Variants in SGSM1 observed in about 807,000 individuals in gnomAD.
SGSM1 encodes the protein small G protein signaling modulator 1, also known as RUN and TBC1 domain containing 2.
Under a neutral mutation model 133.8 loss-of-function variants are expected in SGSM1, and 73 were observed. That is an observed-to-expected ratio of 0.55 (90% CI 0.45 to 0.66). The LOEUF is 0.66. Among genes scored for constraint, SGSM1 ranks in the 30% least tolerant of loss-of-function variants. SGSM1 has a pLI of 0.00. For missense variants in SGSM1, 1,213 were observed against 1,448.1 expected, an observed-to-expected ratio of 0.84 and a Z score of 2.64; for synonymous variants, 563 against 573.0, an observed-to-expected ratio of 0.98 and a Z score of 0.25.
chr22:24,868,306 G>T (rs752863107), intron 10 of SGSM1, 70 bp from the exon 11 acceptor site: 11 of 1,544,008 alleles, frequency 7.1e-6, no homozygotes, highest in Non-Finnish European at 9.6e-6. Flanking sequence ...GGATGTGCTT[G>T]CAGGAAGGGG....
At chr22:24,886,245 A>G (rs531779049) in intron 15 of SGSM1, among the ~76,000 whole-genome samples, 3 of 152,194 alleles carry the variant, frequency 2.0e-5, no homozygotes, top group Non-Finnish European at 4.4e-5. Context: ...TACTAAAAAT[A>G]CAAAAATTAG....
chr22:24,843,212 T>C (rs1399118624), intron 2 of SGSM1, among the ~76,000 whole-genome samples: 4 of 151,488 alleles, frequency 2.6e-5, no homozygotes, highest in African/African-American at 4.9e-5. Flanking sequence ...ATGCCCAGCT[T>C]GGAGTTGGTG....
intron 2 of SGSM1, among the ~76,000 whole-genome samples, chr22:24,840,873 C>T (rs550797562): frequency 1.8e-4 from 28 of 152,088 alleles, no homozygotes; most frequent in South Asian, 8.3e-4. Flanking sequence ...TTTTTTAAGA[C>T]GGAGTCTCGC....
chr22:24,832,160 G>A (rs1929156709), intron 2 of SGSM1, among the ~76,000 whole-genome samples: 1 of 152,224 alleles, frequency 6.6e-6, no homozygotes, highest in Admixed American at 6.5e-5. Flanking sequence ...GTCAGTGTGT[G>A]GTGGGAAGAG....
At chr22:24,913,310 A>AAG (rs1569177565) in intron 22 of SGSM1, among the ~76,000 whole-genome samples, 1 of 146,536 alleles carries the variant, frequency 6.8e-6, no homozygotes, top group Non-Finnish European at 1.5e-5. Flanking sequence ...AAAAAAAAAA[A>AAG]GAAAGAAAAA....
chr22:24,878,107 C>T (rs77097109), intron 13 of SGSM1, among the ~76,000 whole-genome samples: 2,432 of 152,102 alleles, frequency 0.016, 64 homozygotes, highest in African/African-American at 0.056. Flanking sequence ...CACCGCGCCC[C>T]GCCTGGAGAT....
At chr22:24,889,033 C>A (rs1601958540) in intron 16 of SGSM1, among the ~76,000 whole-genome samples, 1 of 138,542 alleles carries the variant, frequency 7.2e-6, no homozygotes, top group Non-Finnish European at 1.5e-5. Flanking sequence ...GCAATCTCGG[C>A]TTACTACAAC....
At chr22:24,857,655 G>C (rs79310197) in intron 8 of SGSM1, among the ~76,000 whole-genome samples, 2 of 152,038 alleles carry the variant, frequency 1.3e-5, no homozygotes, top group Admixed American at 1.3e-4. Flanking sequence ...TCCATCTTCC[G>C]TATCACTTTT....
In SGSM1 at chr22:24,924,279, C is replaced by T. The variant is rs750306604; in HGVS notation, c.*5C>T. 14 of 1,613,114 alleles carry T rather than the reference C, an allele frequency of 8.7e-6. No individual in the cohort carries two copies. In the East Asian group the frequency reaches 3.1e-4, roughly 36 times the overall value. ...ACTCTGATTGAGAACAAGTGAGGGG[C>T]ACCTCACCCCGGCAGCCTCAGCCAA... On this transcript the variant is annotated 3_prime_UTR_variant, in exon 25 of 25. Coordinates refer to ENST00000400358, the MANE Select transcript of SGSM1 (RefSeq NM_001098497.3).
intron 19 of SGSM1, among the ~76,000 whole-genome samples, chr22:24,901,381 A>T (rs113011016): frequency 4.7e-4 from 71 of 152,108 alleles, no homozygotes; most frequent in African/African-American, 1.5e-3. Context: ...AAATTTTCCC[A>T]CTTTGGCAGC....
At chr22:24,816,417 C>CTTTTTTTTTTTTTTTTTTTATTTTT in intron 2 of SGSM1, among the ~76,000 whole-genome samples, 1 of 130,102 alleles carries the variant, frequency 7.7e-6, no homozygotes, top group Non-Finnish European at 1.6e-5. Context: ...TTTTTTCTTT[C>CTTTTTTTTTTTTTTTTTTTATTTTT]TTTTTTTTTT....
At chr22:24,833,583 G>A (rs1476223689) in intron 2 of SGSM1, among the ~76,000 whole-genome samples, 2 of 151,962 alleles carry the variant, frequency 1.3e-5, no homozygotes, top group Non-Finnish European at 2.9e-5. Context: ...AGTTGAACCC[G>A]GGAGGTGGAG....
intron 2 of SGSM1, among the ~76,000 whole-genome samples, chr22:24,825,153 G>A (rs922404480): frequency 2.0e-4 from 30 of 152,156 alleles, no homozygotes; most frequent in Admixed American, 3.9e-4. Context: ...TGGAGCATTC[G>A]GAGAGGGGCA....
chr22:24,854,050 A>G (rs917248912), intron 5 of SGSM1, among the ~76,000 whole-genome samples: 2 of 152,210 alleles, frequency 1.3e-5, no homozygotes, highest in Middle Eastern at 6.8e-3. Context: ...ACCAGCCCCC[A>G]TGATTCAATT....
Position 24,898,412 on chromosome 22 carries a change from G to C in SGSM1, c.2463G>C (p.Glu821Asp), listed in dbSNP as rs1205654139. The C allele has an allele frequency of 6.2e-7, 1 of 1,613,924 alleles. No individual in the cohort carries two copies. The highest frequency in any genetic ancestry group is 1.7e-5 in the Admixed American group (1 of 60,018). Residue 821 changes from glutamate to aspartate, a missense_variant, in exon 19 of 25, where the codon GAG (glutamate) becomes GAC (aspartate). Glu to Asp is a conservative substitution (Grantham distance 45). Coordinates refer to ENST00000400358, the MANE Select transcript of SGSM1 (RefSeq NM_001098497.3). Reference sequence around the variant, plus strand: ...TGATGGAGGGCTGGAGGAGCAGCGAGACAGAGAAACATGGCCAGGCGGACA... The same window carrying C: ...TGATGGAGGGCTGGAGGAGCAGCGACACAGAGAAACATGGCCAGGCGGACA... ...DVVMEGWRSS[E>D]TEKHGQADSE...
intron 10 of SGSM1, among the ~76,000 whole-genome samples, chr22:24,868,152 G>C (rs1349868986): frequency 1.3e-5 from 2 of 152,118 alleles, no homozygotes; most frequent in Non-Finnish European, 2.9e-5. Context: ...GGTTCTTCTT[G>C]ACTTTGTCCT....
chr22:24,821,599 G>A (rs898958193), intron 2 of SGSM1, among the ~76,000 whole-genome samples: 8 of 152,192 alleles, frequency 5.3e-5, no homozygotes, highest in Admixed American at 5.2e-4. Flanking sequence ...AAAGTCCATT[G>A]CAAGTCATGG....
intron 16 of SGSM1, among the ~76,000 whole-genome samples, chr22:24,893,080 G>A (rs1932842083): frequency 6.9e-6 from 1 of 145,860 alleles, no homozygotes; most frequent in Non-Finnish European, 1.5e-5. Context: ...GGAAGGAAGC[G>A]GAGGGGGGGG....
intron 12 of SGSM1, among the ~76,000 whole-genome samples, chr22:24,875,296 G>A (rs1020485254): frequency 6.6e-6 from 1 of 152,306 alleles, no homozygotes; most frequent in East Asian, 1.9e-4. Flanking sequence ...ATCCAAAAAA[G>A]CCAAAAGGAG....
Sources: gnomAD v4.1 joint callset for allele counts (sites outside exome capture counted in the v4.1 genomes callset) on GRCh38, gnomAD v4.1.1 for gene constraint, MANE v1.5 for transcripts, NCBI Gene and HGNC (gene_info 2026-07-23, HGNC 2026-07-21) for gene names.